UPF2: variants seen among roughly 807,000 people sequenced by gnomAD.
The protein encoded by UPF2 is regulator of nonsense transcripts 2.
A neutral mutation model predicts 141.4 loss-of-function variants in UPF2; 17 were observed. The observed-to-expected ratio is 0.12, with a 90% CI of 0.08 to 0.18. UPF2 has a LOEUF of 0.18. Ranked by LOEUF, UPF2 falls within the 10% of genes least tolerant of loss-of-function variation. The probability of loss-of-function intolerance (pLI) is 1.00; values close to 1 mark genes in which losing one functional copy is unlikely to be tolerated. For missense variants in UPF2, 1,152 were observed against 1,515.9 expected, an observed-to-expected ratio of 0.76 and a Z score of 3.99; for synonymous variants, 540 against 498.0, an observed-to-expected ratio of 1.08 and a Z score of -1.12.
rs1832925581 is a variant in UPF2 at position 11,940,644 on chromosome 10, C to T, written c.3378+2021G>A. Among the ~76,000 whole-genome samples the T allele has an allele frequency of 6.6e-6, 1 of 152,182 alleles. No homozygotes were observed. The highest frequency in any genetic ancestry group is 1.5e-5 in the Non-Finnish European group (1 of 68,030). ...CCCTACACACCCATATCCAATCCAG[C>T]GCCAAATAAGCCAGGTCGTTCTACC... On this transcript the variant is annotated intron_variant, in intron 18 of 21. Transcript: ENST00000357604. This position sits in a 1 kb window ranked among gnomAD's most constrained non-coding sequence, Gnocchi z 4.2.
In UPF2 at chr10:11,921,358, G is replaced by A. The variant is rs1269960675; in HGVS notation, c.3810-51C>T. The A allele has an allele frequency of 6.2e-7, 1 of 1,613,002 alleles. No homozygotes were observed. ...AGAGAGCTTACTGCCACAGGACAAA[G>A]TCCAGCAAGATGGCGTCTGCAACGC... On this transcript the variant is annotated intron_variant, in intron 21 of 21. Coordinates refer to ENST00000357604, the MANE Select transcript of UPF2 (RefSeq NM_015542.4). This position sits in a 1 kb window ranked among gnomAD's most constrained non-coding sequence, Gnocchi z 5.9.
chr10:11,940,929 T>G lies in UPF2; in HGVS notation c.3378+1736A>C, dbSNP rs1047975169. Among the ~76,000 whole-genome samples, 1 of 152,098 alleles carries G rather than the reference T, an allele frequency of 6.6e-6. No individual in the cohort carries two copies. Among genetic ancestry groups the G allele is most frequent in the African/African-American group, 2.4e-5 (1 of 41,420 alleles). ...CACATTGTTCCCATCTTCCCTTAAA[T>G]TTTCACCTGGATGGATGGCTCCACT... On this transcript the variant is annotated intron_variant, in intron 18 of 21. Transcript: ENST00000357604. The surrounding 1 kb of genome is among the most constrained non-coding windows in gnomAD (Gnocchi z 4.2).
rs1564372311 is a variant in UPF2, at chr10:12,029,323, C to T, written c.567G>A (p.Leu189=). ...KTITEQQRDS[L]SHDFNGLNLS... is the part of the protein sequence containing the mutation. Reference sequence around the variant, plus strand: ...AATTTAGGCCATTAAAATCATGGGACAAGGAGTCTCTCTGTTGTTCTGTAA... The same window carrying T: ...AATTTAGGCCATTAAAATCATGGGATAAGGAGTCTCTCTGTTGTTCTGTAA... The change falls in exon 3 of 22, where the codon TTG becomes TTA. Residue 189 remains leucine, a synonymous_variant. Coordinates refer to ENST00000357604, the MANE Select transcript of UPF2 (RefSeq NM_015542.4). 6 of 1,614,112 alleles carry T rather than the reference C, an allele frequency of 3.7e-6. No homozygotes were observed. The highest frequency in any genetic ancestry group is 4.2e-6 in the Non-Finnish European group (5 of 1,180,018).
intron 3 of UPF2, among the ~76,000 whole-genome samples, chr10:12,024,762 T>G (rs1834384483): frequency 2.0e-5 from 3 of 151,226 alleles, no homozygotes; most frequent in South Asian, 2.1e-4. Flanking sequence ...GGGAGCTCCC[T>G]CTCTATAAAA....
At position 11,953,859 on chromosome 10, in the gene UPF2, T is replaced by A. The variant is rs1367587446; in HGVS notation, c.2850+1373A>T. 6.6e-6 allele frequency among the ~76,000 whole-genome samples: 1 copy of A among 152,180 alleles called. No homozygotes were observed. The highest frequency in any genetic ancestry group is 1.5e-5 in the Non-Finnish European group (1 of 68,030). On this transcript the variant is annotated intron_variant, in intron 14 of 21. Coordinates refer to ENST00000357604, the MANE Select transcript of UPF2 (RefSeq NM_015542.4). The surrounding 1 kb of genome is among the most constrained non-coding windows in gnomAD (Gnocchi z 5.0). The stretch of plus-strand genomic sequence containing the variant: ...TAGGAGCAAGCTAACAGACCGCAAT[T>A]CCCGAAGAATATTTACCCCCAACTT...
intron 16 of UPF2, among the ~76,000 whole-genome samples, chr10:11,947,457 A>G (rs1833014972): frequency 6.6e-6 from 1 of 152,156 alleles, no homozygotes; most frequent in South Asian, 2.1e-4. Context: ...AAATCCACTG[A>G]CTAAAAAGTC....
In UPF2 at chr10:12,016,876, C is replaced by T. The variant is rs549078370; in HGVS notation, c.1146-2692G>A. Among the ~76,000 whole-genome samples the T allele has an allele frequency of 4.0e-5, 6 of 151,666 alleles. No homozygotes were observed. The highest frequency in any genetic ancestry group is 9.7e-5 in the African/African-American group (4 of 41,266). ...TCTCTACAAAAACATAAAAATTAGC[C>T]GGGCACGATGGTGGGTGCCTGTAAT... On this transcript the variant is annotated intron_variant, in intron 3 of 21. Transcript: ENST00000357604. This position sits in a 1 kb window ranked among gnomAD's most constrained non-coding sequence, Gnocchi z 4.1.
At chr10:11,930,132 G>T (rs1202228187) in intron 20 of UPF2, 147 bp from the exon 21 acceptor site, 7 of 1,144,094 alleles carry the variant, frequency 6.1e-6, no homozygotes, top group Non-Finnish European at 8.5e-6. Flanking sequence ...AGACTAAAAT[G>T]ATTAAGAAGT....
chr10:12,014,137 T>C lies in UPF2; in HGVS notation c.1193A>G (p.Gln398Arg). 1 of 1,566,518 alleles carries C rather than the reference T, an allele frequency of 6.4e-7. No individual in the cohort carries two copies. The highest frequency in any genetic ancestry group is 8.7e-7 in the Non-Finnish European group (1 of 1,152,752). ...GTAAGACATAGCAAATTCCTCATAC[T>C]GTTTATGTCTATCTTCACTGAGCTC... The part of the protein sequence containing the change: ...KGELSEDRHK[Q>R]YEEFAMSYQK... Residue 398 changes from glutamine to arginine, a missense_variant, in exon 4 of 22, where the codon CAG (glutamine) becomes CGG (arginine). By Grantham distance (43) the Gln-to-Arg change is conservative. Around this residue, in one of 4 missense-constraint regions of UPF2, gnomAD observed 739 missense variants for 1,032.2 expected, o/e 0.72. Coordinates refer to ENST00000357604, the MANE Select transcript of UPF2 (RefSeq NM_015542.4). The surrounding 1 kb of genome is among the most constrained non-coding windows in gnomAD (Gnocchi z 5.0).
At position 12,001,782 on chromosome 10, in the gene UPF2, A is replaced by T. The variant is rs1833956669; in HGVS notation, c.1548T>A (p.Asp516Glu). Reference sequence around the variant, plus strand: ...GATTCTCCAACTCAAGTTCCAAATCATCGGGACTTGATACCTCCTTATTCT... The same window carrying T: ...GATTCTCCAACTCAAGTTCCAAATCTTCGGGACTTGATACCTCCTTATTCT... ...SKENKEVSSP[D>E]DLELELENLE... Residue 516 changes from aspartate to glutamate, a missense_variant, in exon 6 of 22, where the codon GAT becomes GAA. Asp to Glu is a conservative substitution (Grantham distance 45). This residue lies in a region of UPF2 where 739 missense variants were observed against 1,032.2 expected (regional missense o/e 0.72). Coordinates refer to ENST00000357604, the MANE Select transcript of UPF2 (RefSeq NM_015542.4). 1.2e-6 allele frequency: 2 copies of T among 1,612,356 alleles called. No individual in the cohort carries two copies. The highest frequency in any genetic ancestry group is 1.7e-6 in the Non-Finnish European group (2 of 1,179,276).
chr10:11,942,587 C>T lies in UPF2; in HGVS notation c.3378+78G>A, dbSNP rs567593234. The stretch of plus-strand genomic sequence containing the variant: ...AGAAGAGACACTTAGATAGGAGAGG[C>T]CTTCACATGAACCAGAATGTAATGG... On this transcript the variant is annotated intron_variant, in intron 18 of 21. Transcript: ENST00000357604. 8.5e-6 allele frequency: 11 copies of T among 1,295,640 alleles called. No individual in the cohort carries two copies. In the African/African-American group the frequency reaches 1.3e-4, roughly 15 times the overall value. The allele number at this position is 1,295,640 out of a possible 1,614,324, so 80.3% of individuals were successfully genotyped here. A position where few individuals can be genotyped will look rare whatever the true frequency, so the allele number is the denominator to read the frequency against.
At chr10:11,967,489 A>G (rs754398559) in intron 9 of UPF2, 35 bp from the exon 10 acceptor site, 6 of 1,260,014 alleles carry the variant, frequency 4.8e-6, no homozygotes. Flanking sequence ...ATGCTTAATC[A>G]ACATTTTGAA....
At chr10:12,023,763 G>C (rs1046137050) in intron 3 of UPF2, among the ~76,000 whole-genome samples, 1 of 151,556 alleles carries the variant, frequency 6.6e-6, no homozygotes, top group Non-Finnish European at 1.5e-5. Flanking sequence ...GGCTCAGGCA[G>C]GCAGGTGGCT....
At chr10:12,021,370 A>AG in intron 3 of UPF2, among the ~76,000 whole-genome samples, 1 of 109,612 alleles carries the variant, frequency 9.1e-6, no homozygotes, top group East Asian at 3.6e-4. Context: ...TCTCTACAAA[A>AG]AAAAAAAAAT....
At chr10:11,974,579 G>C (rs1173708476) in intron 9 of UPF2, among the ~76,000 whole-genome samples, 6 of 151,950 alleles carry the variant, frequency 3.9e-5, no homozygotes, top group African/African-American at 1.5e-4. Flanking sequence ...TGAGAGTTTT[G>C]AGCATGAAGG....
In UPF2 at chr10:11,921,075, A is replaced by G. The variant is rs760137519; in HGVS notation, c.*223T>C. 4 of 765,182 alleles carry G rather than the reference A, an allele frequency of 5.2e-6. No individual in the cohort carries two copies. The highest frequency in any genetic ancestry group is 3.4e-5 in the Admixed American group (2 of 58,298). The allele number at this position is 765,182 out of a possible 1,614,324, so 47.4% of individuals were successfully genotyped here. ...GAAGATTAACCCTCGCGAGATTTCC[A>G]TTACAAAAGGCCTTTTCCGCCTTGT... On this transcript the variant is annotated 3_prime_UTR_variant, in exon 22 of 22. Coordinates refer to ENST00000357604, the MANE Select transcript of UPF2 (RefSeq NM_015542.4). This position sits in a 1 kb window ranked among gnomAD's most constrained non-coding sequence, Gnocchi z 5.9.
At chr10:11,982,933 T>C (rs1226819908) in intron 8 of UPF2, among the ~76,000 whole-genome samples, 1 of 152,204 alleles carries the variant, frequency 6.6e-6, no homozygotes, top group Non-Finnish European at 1.5e-5. Flanking sequence ...CCTGCACTAC[T>C]TTTAAAAATG....
chr10:11,941,352 A>G (rs1239937438), intron 18 of UPF2, among the ~76,000 whole-genome samples: 2 of 152,328 alleles, frequency 1.3e-5, no homozygotes, highest in East Asian at 3.9e-4. Flanking sequence ...CATAAATGTA[A>G]GATTTATTTC....
Position 12,029,311 on chromosome 10 carries a change from A to G in UPF2, c.579T>C (p.Phe193=). The G allele has an allele frequency of 6.2e-7, 1 of 1,614,194 alleles. No individual in the cohort carries two copies. Among genetic ancestry groups the G allele is most frequent in the Non-Finnish European group, 8.5e-7 (1 of 1,180,034 alleles). The change falls in exon 3 of 22, where the codon TTT becomes TTC. Residue 193 remains phenylalanine (F), a synonymous_variant. Transcript: ENST00000357604. ...TGTATTTGCTTAAATTTAGGCCATT[A>G]AAATCATGGGACAAGGAGTCTCTCT... is the stretch of plus-strand genomic sequence containing the variant. ...EQQRDSLSHD[F]NGLNLSKYIA... is the part of the protein sequence containing the mutation.
Sources: gnomAD v4.1 joint callset for allele counts (sites outside exome capture counted in the v4.1 genomes callset) on GRCh38, gnomAD v4.1.1 for gene constraint, gnomAD v4.1.1 regional missense constraint, Gnocchi (gnomAD v3.1) non-coding constraint, MANE v1.5 for transcripts, NCBI Gene and HGNC (gene_info 2026-07-23, HGNC 2026-07-21) for gene names.